The following ABI3BP variants were observed in gnomAD, a reference collection of about 807,000 sequenced individuals.
The protein encoded by ABI3BP is ABI family member 3 binding protein.
A neutral mutation model predicts 268.6 loss-of-function variants in ABI3BP; 216 were observed. The ratio of observed to expected loss-of-function variants is 0.80; its 90% CI spans 0.72 to 0.90. ABI3BP has a LOEUF of 0.90. Ranked by LOEUF, ABI3BP falls within the 40% of genes least tolerant of loss-of-function variation. The probability of loss-of-function intolerance (pLI) is 0.00; values close to 1 mark genes in which losing one functional copy is unlikely to be tolerated. For synonymous variants in ABI3BP, 730 were observed against 730.0 expected (o/e 1.00, Z 0.00); for missense variants, 2,090 against 2,182.4 (o/e 0.96, Z 0.84).
chr3:100,800,947 C>T (rs193064095), intron 51 of ABI3BP, among the ~76,000 whole-genome samples: 182 of 152,098 alleles, frequency 1.2e-3, no homozygotes, highest in African/African-American at 4.1e-3. Context: ...TATCACTAAC[C>T]CATTAATTAC....
chr3:100,904,190 A>G (rs1258964380), intron 2 of ABI3BP, among the ~76,000 whole-genome samples: 2 of 152,048 alleles, frequency 1.3e-5, no homozygotes, highest in Admixed American at 6.5e-5. Context: ...TATCACCTCA[A>G]TTTGTAGATG....
intron 12 of ABI3BP, chr3:100,863,579 G>T (rs1439686661): frequency 6.1e-6 from 1 of 165,204 alleles, no homozygotes; most frequent in Admixed American, 6.0e-5. Flanking sequence ...GCCTCCCAAA[G>T]TGTTGGGCTT....
chr3:100,811,771 G>A lies in ABI3BP; in HGVS notation c.3450C>T (p.Pro1150=). 6.5e-7 allele frequency: 1 copy of A among 1,535,548 alleles called. No homozygotes were observed. Among genetic ancestry groups the A allele is most frequent in the Non-Finnish European group, 8.7e-7 (1 of 1,146,512 alleles). ...IAPAKTDYVY[P]TAKAPLWPEE... ...CTGGCCAGAGTGGTGCTTTGGCAGT[G>A]GGATATACATAGTCTGTTTTGGCTG... The change falls in exon 47 of 68, where the codon CCC becomes CCT. Residue 1150 remains proline (P), a synonymous_variant. Transcript: ENST00000471714.
intron 35 of ABI3BP, 77 bp from the exon 36 acceptor site, chr3:100,825,018 T>A (rs1346278662): frequency 4.9e-6 from 6 of 1,220,538 alleles, no homozygotes; most frequent in Non-Finnish European, 6.8e-6. Context: ...CCAAAGCTTG[T>A]CAGATCTCCT....
At chr3:100,830,680 T>C in intron 31 of ABI3BP, 46 bp from the exon 32 acceptor site, 1 of 1,455,146 alleles carries the variant, frequency 6.9e-7, no homozygotes, top group East Asian at 2.5e-5. Flanking sequence ...TGTGAATGCA[T>C]GAAATGTTGG....
At position 100,750,460 on chromosome 3, in the gene ABI3BP, G is replaced by A. The variant is rs759319642; in HGVS notation, c.*35C>T. Reference sequence around the variant, plus strand: ...ATAGTATTTTCAATGATTTTTGTTTGCAATGATGAAACAGAAGGTAACTTT... The same window carrying A: ...ATAGTATTTTCAATGATTTTTGTTTACAATGATGAAACAGAAGGTAACTTT... On this transcript the variant is annotated 3_prime_UTR_variant, in exon 68 of 68. Transcript: ENST00000471714. 2 of 1,494,914 alleles carry A rather than the reference G, an allele frequency of 1.3e-6. No individual in the cohort carries two copies. Among genetic ancestry groups the A allele is most frequent in the Non-Finnish European group, 1.9e-6 (2 of 1,077,038 alleles). The allele number at this position is 1,494,914 out of a possible 1,614,324, so 92.6% of individuals were successfully genotyped here. A position where few individuals can be genotyped will look rare whatever the true frequency, so the allele number is the denominator to read the frequency against.
At chr3:100,920,680 C>T (rs2059958589) in intron 2 of ABI3BP, among the ~76,000 whole-genome samples, 1 of 152,152 alleles carries the variant, frequency 6.6e-6, no homozygotes, top group African/African-American at 2.4e-5. Context: ...CTCGGCATCT[C>T]AAAGTGCTGG....
intron 12 of ABI3BP, chr3:100,863,322 C>CT (rs566804509): frequency 0.011 from 1,645 of 149,592 alleles, 19 homozygotes; most frequent in African/African-American, 0.028. Flanking sequence ...CCCCCAACCT[C>CT]TTTTTTTTTT....
chr3:100,871,727 C>G (rs557269318), intron 9 of ABI3BP, among the ~76,000 whole-genome samples: 1 of 152,322 alleles, frequency 6.6e-6, no homozygotes, highest in Non-Finnish European at 1.5e-5. Context: ...AAACCTCTTT[C>G]TTTGTAAATT....
At chr3:100,978,540 G>C (rs1397273155) in intron 1 of ABI3BP, among the ~76,000 whole-genome samples, 1 of 152,128 alleles carries the variant, frequency 6.6e-6, no homozygotes, top group Non-Finnish European at 1.5e-5. Context: ...CACCAAACAA[G>C]GTTATGTCAA....
At position 100,851,943 on chromosome 3, in the gene ABI3BP, T is replaced by TAAAAA. The variant is rs60146880; in HGVS notation, c.1286-8_1286-4dup. 1.8e-3 allele frequency: 2,466 copies of TAAAAA among 1,389,916 alleles called. 3 individuals are homozygous for TAAAAA. Among genetic ancestry groups the TAAAAA allele is most frequent in the Non-Finnish European group, 2.1e-3 (2,206 of 1,040,684 alleles). 86.1% of individuals were successfully genotyped at this position (1,389,916 alleles called of 1,614,324 possible). ...GCTTGAGAAAACATCATAAGTTGCT[T>TAAAAA]AAAAAAAAAAAAAAGGCAAAACAAG... On this transcript the variant is annotated splice_polypyrimidine_tract_variant and splice_region_variant and intron_variant, in intron 14 of 67. Coordinates refer to ENST00000471714, the MANE Select transcript of ABI3BP (RefSeq NM_001375547.2).
In ABI3BP at chr3:100,875,564, G is replaced by A. The variant is rs747953902; in HGVS notation, c.761C>T (p.Thr254Ile). 6.2e-6 allele frequency: 10 copies of A among 1,612,724 alleles called. No homozygotes were observed. In the Admixed American group the frequency reaches 1.7e-4, roughly 27 times the overall value. Residue 254 changes from threonine to isoleucine, a missense_variant, in exon 8 of 68, where the codon ACT becomes ATT. Coordinates refer to ENST00000471714, the MANE Select transcript of ABI3BP (RefSeq NM_001375547.2). ...TGGGGATTTAGCTGAATCCTTGTGA[G>A]TAACATTCTGAATCACTGTTGAAAT... The part of the protein sequence containing the change: ...TIIKQVIQNV[T>I]HKDSAKSPEK...
intron 57 of ABI3BP, among the ~76,000 whole-genome samples, chr3:100,782,071 C>T (rs2096882279): frequency 6.6e-6 from 1 of 152,204 alleles, no homozygotes; most frequent in Non-Finnish European, 1.5e-5. Context: ...AATACATTCC[C>T]AGAGCCCTCT....
At chr3:100,768,661 C>G (rs2096422441) in intron 62 of ABI3BP, among the ~76,000 whole-genome samples, 1 of 152,088 alleles carries the variant, frequency 6.6e-6, no homozygotes, top group African/African-American at 2.4e-5. Flanking sequence ...ATTCAAATAT[C>G]TTATTTTTCT....
chr3:100,830,159 A>ATATG (rs2098466886), intron 32 of ABI3BP, among the ~76,000 whole-genome samples: 1 of 103,474 alleles, frequency 9.7e-6, no homozygotes, highest in African/African-American at 3.6e-5. Flanking sequence ...ATATATATAT[A>ATATG]TATATAAAAT....
At chr3:100,830,116 T>C (rs1376814907) in intron 32 of ABI3BP, among the ~76,000 whole-genome samples, 106 of 13,508 alleles carry the variant, frequency 7.8e-3, no homozygotes, top group Non-Finnish European at 0.011. Context: ...CATACATATA[T>C]ATATATATAT....
At chr3:100,759,349 C>G (rs574054915) in intron 63 of ABI3BP, among the ~76,000 whole-genome samples, 28 of 152,150 alleles carry the variant, frequency 1.8e-4, no homozygotes, top group Non-Finnish European at 3.2e-4. Flanking sequence ...TGCAAGGACA[C>G]TGAAGGATTA....
chr3:100,980,565 G>T (rs1442522296), intron 1 of ABI3BP, among the ~76,000 whole-genome samples: 1 of 152,164 alleles, frequency 6.6e-6, no homozygotes, highest in Non-Finnish European at 1.5e-5. Flanking sequence ...CCAAGCACAA[G>T]AATTAGAACC....
At chr3:100,980,756 A>G (rs1432038189) in intron 1 of ABI3BP, among the ~76,000 whole-genome samples, 1 of 152,220 alleles carries the variant, frequency 6.6e-6, no homozygotes, top group Non-Finnish European at 1.5e-5. Context: ...CACCAATTAC[A>G]GGATCACCAT....
Sources: gnomAD v4.1 joint callset for allele counts (sites outside exome capture counted in the v4.1 genomes callset) on GRCh38, gnomAD v4.1.1 for gene constraint, MANE v1.5 for transcripts, NCBI Gene and HGNC (gene_info 2026-07-23, HGNC 2026-07-21) for gene names.